The following CALN1 variants were observed in gnomAD, a reference collection of about 807,000 sequenced individuals.
The protein encoded by CALN1 is calcium-binding protein 8.
In CALN1, 17 loss-of-function variants were observed where a neutral mutation model predicts 30.6. The ratio of observed to expected loss-of-function variants is 0.56; its 90% CI spans 0.38 to 0.83. The LOEUF is 0.83. Ranked by LOEUF, CALN1 falls within the 40% of genes least tolerant of loss-of-function variation. The probability of loss-of-function intolerance (pLI) is 0.00; values close to 1 mark genes in which losing one functional copy is unlikely to be tolerated. For missense variants in CALN1, 291 were observed against 354.9 expected (o/e 0.82, Z 1.45); for synonymous variants, 156 against 131.4 (o/e 1.19, Z -1.28).
chr7:72,338,525 G>GTGTGTGTGTGTGTGTGTGTGTGTGTGTC lies in CALN1; in HGVS notation c.120-59716_120-59715insGACACACACACACACACACACACACACA. On this transcript the variant is annotated intron_variant, in intron 2 of 6. Transcript: ENST00000395275. ...TGTGTGTGTGTGTGTGTGTGTGTGT[G>GTGTGTGTGTGTGTGTGTGTGTGTGTGTC]TGTCTCACCTGGGTGTGGTTTCAGA... Among the ~76,000 whole-genome samples the GTGTGTGTGTGTGTGTGTGTGTGTGTGTC allele has an allele frequency of 7.8e-4, 96 of 122,346 alleles. 2 individuals are homozygous for GTGTGTGTGTGTGTGTGTGTGTGTGTGTC. The highest frequency in any genetic ancestry group is 2.2e-3 in the Admixed American group (26 of 11,708). The allele number at this position is 122,346 out of a possible 152,430, so 80.3% of individuals were successfully genotyped here.
chr7:72,299,172 T>C (rs1562856782), intron 2 of CALN1, among the ~76,000 whole-genome samples: 1 of 152,140 alleles, frequency 6.6e-6, no homozygotes, highest in African/African-American at 2.4e-5. Flanking sequence ...CATTCTCTAC[T>C]GTAGATAATC....
the CALN1 span, among the ~76,000 whole-genome samples, chr7:72,490,576 C>T: frequency 2.0e-5 from 3 of 152,158 alleles, no homozygotes; most frequent in Non-Finnish European, 4.4e-5. Context: ...TGGTCTTCAG[C>T]GTTGGAGGAG....
chr7:72,359,057 C>A (rs1803405699), intron 2 of CALN1, among the ~76,000 whole-genome samples: 1 of 152,212 alleles, frequency 6.6e-6, no homozygotes. Context: ...CATGAAGAGG[C>A]CCTGCATCTC....
intron 3 of CALN1, among the ~76,000 whole-genome samples, chr7:72,128,163 T>C (rs932665026): frequency 5.9e-5 from 9 of 152,214 alleles, no homozygotes; most frequent in South Asian, 2.1e-4. Context: ...TATTAAAAGA[T>C]ATTTATTACA....
chr7:71,795,543 G>C (rs928767569), intron 6 of CALN1, among the ~76,000 whole-genome samples: 4 of 151,970 alleles, frequency 2.6e-5, no homozygotes, highest in Non-Finnish European at 5.9e-5. Context: ...TAACACATTC[G>C]CGAGATTGCG....
At chr7:72,503,201 G>A in the CALN1 span, among the ~76,000 whole-genome samples, 35,789 of 152,016 alleles carry the variant, frequency 0.24, 4,805 homozygotes, top group East Asian at 0.38. Context: ...GAGTTGTTCT[G>A]CGTGTCAAAT....
chr7:72,184,785 T>C (rs1467743020), intron 3 of CALN1, among the ~76,000 whole-genome samples: 1 of 151,968 alleles, frequency 6.6e-6, no homozygotes, highest in African/African-American at 2.4e-5. Flanking sequence ...AAGACATCTT[T>C]TTTTTTTCTT....
intron 5 of CALN1, among the ~76,000 whole-genome samples, chr7:72,003,797 G>A (rs1236652571): frequency 6.6e-6 from 1 of 152,112 alleles, no homozygotes; most frequent in Non-Finnish European, 1.5e-5. Context: ...GAAATAAAGT[G>A]CATAATCAAT....
chr7:72,196,202 C>T (rs1372190324), intron 3 of CALN1, among the ~76,000 whole-genome samples: 1 of 152,048 alleles, frequency 6.6e-6, no homozygotes, highest in Non-Finnish European at 1.5e-5. Context: ...ACTGTGACCT[C>T]TGCCTCGTGG....
intron 1 of CALN1, among the ~76,000 whole-genome samples, chr7:72,411,453 C>T (rs1474874013): frequency 1.3e-5 from 2 of 152,220 alleles, no homozygotes; most frequent in South Asian, 2.1e-4. Context: ...TAAGTAAAAA[C>T]TCTGAAATCT....
intron 4 of CALN1, among the ~76,000 whole-genome samples, chr7:72,027,731 ACACACACAC>A (rs1562989236): frequency 3.6e-5 from 5 of 140,504 alleles, no homozygotes; most frequent in African/African-American, 1.1e-4. Context: ...AAACAAACAC[ACACACACAC>A]ACACACACAC....
chr7:71,815,623 G>T (rs1788212630), intron 5 of CALN1, among the ~76,000 whole-genome samples: 1 of 152,106 alleles, frequency 6.6e-6, no homozygotes, highest in Non-Finnish European at 1.5e-5. Context: ...AGTCAAGGGT[G>T]AACACAAAAC....
intron 6 of CALN1, among the ~76,000 whole-genome samples, chr7:71,796,057 C>A (rs1786898729): frequency 6.6e-6 from 1 of 151,878 alleles, no homozygotes; most frequent in African/African-American, 2.4e-5. Flanking sequence ...AATCTCCTGA[C>A]CTCGTGATCC....
intron 5 of CALN1, among the ~76,000 whole-genome samples, chr7:71,999,296 T>C (rs1288811481): frequency 6.6e-6 from 1 of 152,146 alleles, no homozygotes; most frequent in Non-Finnish European, 1.5e-5. Flanking sequence ...ATCTTAAATA[T>C]GGCCACATCA....
chr7:71,793,860 T>C (rs1232771756), intron 6 of CALN1, among the ~76,000 whole-genome samples: 1 of 138,560 alleles, frequency 7.2e-6, no homozygotes, highest in Non-Finnish European at 1.5e-5. Context: ...CAAGACTGTC[T>C]AAAAAAACCA....
chr7:72,375,518 A>G (rs184444287), intron 2 of CALN1, among the ~76,000 whole-genome samples: 1 of 150,792 alleles, frequency 6.6e-6, no homozygotes, highest in East Asian at 1.9e-4. Context: ...GTGAGCTGTG[A>G]CTGCACCACT....
At chr7:72,066,715 T>C (rs1023830247) in intron 4 of CALN1, among the ~76,000 whole-genome samples, 2 of 151,862 alleles carry the variant, frequency 1.3e-5, no homozygotes, top group Non-Finnish European at 2.9e-5. Context: ...TTGGCTCAAG[T>C]AATCCTCCTG....
At chr7:72,461,202 C>T in the CALN1 span, among the ~76,000 whole-genome samples, 22 of 152,294 alleles carry the variant, frequency 1.4e-4, no homozygotes, top group African/African-American at 5.1e-4. Flanking sequence ...AACAATTATA[C>T]ACTGTTGGTG....
At chr7:72,056,235 T>C (rs1268266440) in intron 4 of CALN1, among the ~76,000 whole-genome samples, 1 of 152,148 alleles carries the variant, frequency 6.6e-6, no homozygotes, top group Non-Finnish European at 1.5e-5. Context: ...TCCCAGTGAA[T>C]TGGTCATTTG....
Sources: gnomAD v4.1 joint callset for allele counts (sites outside exome capture counted in the v4.1 genomes callset) on GRCh38, gnomAD v4.1.1 for gene constraint, MANE v1.5 for transcripts, NCBI Gene and HGNC (gene_info 2026-07-23, HGNC 2026-07-21) for gene names.